The following ROBO2 variants were observed in gnomAD, a reference collection of about 807,000 sequenced individuals.
ROBO2 encodes roundabout guidance receptor 2, also known as roundabout homolog 2.
Under a neutral mutation model 160.8 loss-of-function variants are expected in ROBO2, and 53 were observed. The ratio of observed to expected loss-of-function variants is 0.33; its 90% confidence interval spans 0.26 to 0.41. The LOEUF (loss-of-function observed/expected upper bound fraction) is 0.41. ROBO2 is among the 10% of genes least tolerant of loss of function. ROBO2 has a pLI of 1.00. For missense variants in ROBO2, 1,577 were observed against 1,722.4 expected (o/e 0.92, Z 1.49); for synonymous variants, 664 against 611.7 (o/e 1.09, Z -1.26).
chr3:76,703,528 G>C (rs773329083), intron 2 of ROBO2, among the ~76,000 whole-genome samples: 1 of 151,104 alleles, frequency 6.6e-6, no homozygotes, highest in Non-Finnish European at 1.5e-5. Flanking sequence ...CCCCACCCCC[G>C]ACAGGCTCCA....
intron 2 of ROBO2, among the ~76,000 whole-genome samples, chr3:76,419,774 C>T (rs1462366151): frequency 6.6e-6 from 1 of 151,952 alleles, no homozygotes; most frequent in Non-Finnish European, 1.5e-5. Flanking sequence ...GTAGCTGAAT[C>T]CTGGCAAATT....
At chr3:76,279,194 A>G (rs1394487515) in intron 2 of ROBO2, among the ~76,000 whole-genome samples, 1 of 151,502 alleles carries the variant, frequency 6.6e-6, no homozygotes, top group Non-Finnish European at 1.5e-5. Context: ...GACCATTGCA[A>G]GCTCACTTTT....
chr3:77,011,085 CTT>C (rs761956103), intron 2 of ROBO2, among the ~76,000 whole-genome samples: 17 of 73,218 alleles, frequency 2.3e-4, no homozygotes, highest in East Asian at 6.4e-4. Context: ...TTCTTTCTTT[CTT>C]TTTCTTTCTA....
At chr3:77,583,292 T>C (rs1166674250) in intron 16 of ROBO2, among the ~76,000 whole-genome samples, 2 of 152,076 alleles carry the variant, frequency 1.3e-5, no homozygotes, top group Non-Finnish European at 2.9e-5. Flanking sequence ...AAGTTATCTG[T>C]AGGTACAAAG....
chr3:76,220,514 G>A (rs545316613), intron 2 of ROBO2, among the ~76,000 whole-genome samples: 1 of 152,148 alleles, frequency 6.6e-6, no homozygotes, highest in South Asian at 2.1e-4. Flanking sequence ...GCCTTGTGAC[G>A]ATGCAGCAAG....
chr3:77,200,265 TTTTATATATATATATATATATATATA>T (rs1166456474), intron 2 of ROBO2, among the ~76,000 whole-genome samples: 16 of 59,058 alleles, frequency 2.7e-4, no homozygotes, highest in Non-Finnish European at 4.8e-4. Flanking sequence ...AACTAACATA[TTTTATATATATATATATATATATATA>T]TATATATATA....
chr3:76,155,126 TAATACATTAAAAATA>T (rs2072356059), intron 2 of ROBO2, among the ~76,000 whole-genome samples: 2 of 152,170 alleles, frequency 1.3e-5, no homozygotes, highest in South Asian at 4.1e-4. Flanking sequence ...AGATCACAGG[TAATACATTAAAAATA>T]AATGTCAAAA....
At chr3:76,097,351 G>C (rs780229051) in intron 2 of ROBO2, among the ~76,000 whole-genome samples, 1 of 152,114 alleles carries the variant, frequency 6.6e-6, no homozygotes, top group South Asian at 2.1e-4. Context: ...TACATGGTCC[G>C]TTCTTGGGAC....
intron 2 of ROBO2, among the ~76,000 whole-genome samples, chr3:76,541,115 T>C (rs1243381895): frequency 6.6e-6 from 1 of 152,234 alleles, no homozygotes; most frequent in Admixed American, 6.5e-5. Context: ...GACTTTTCAT[T>C]TAGTTTAAAT....
intron 2 of ROBO2, among the ~76,000 whole-genome samples, chr3:76,624,780 G>A (rs1294967240): frequency 9.2e-6 from 1 of 108,568 alleles, no homozygotes; most frequent in Non-Finnish European, 1.7e-5. Context: ...CTGAGTGACA[G>A]AGTGAGACTC....
chr3:76,287,126 A>G (rs1708541342), intron 2 of ROBO2, among the ~76,000 whole-genome samples: 1 of 152,100 alleles, frequency 6.6e-6, no homozygotes, highest in African/African-American at 2.4e-5. Flanking sequence ...CAACTAATCT[A>G]TCCTGACTGA....
chr3:76,236,642 C>T (rs1704963326), intron 2 of ROBO2, among the ~76,000 whole-genome samples: 1 of 152,168 alleles, frequency 6.6e-6, no homozygotes, highest in Non-Finnish European at 1.5e-5. Flanking sequence ...CAAGATACTG[C>T]AGTTTTTATT....
intron 2 of ROBO2, among the ~76,000 whole-genome samples, chr3:77,461,746 T>TG (rs397990232): frequency 1.2e-3 from 175 of 151,734 alleles, no homozygotes; most frequent in Middle Eastern, 3.4e-3. Flanking sequence ...TTTTTTTTTT[T>TG]GAGACAGAGT....
chr3:77,246,648 T>C (rs2089766954), intron 2 of ROBO2, among the ~76,000 whole-genome samples: 1 of 152,204 alleles, frequency 6.6e-6, no homozygotes, highest in Non-Finnish European at 1.5e-5. Flanking sequence ...TCAACTGCAT[T>C]TTGAAGTGTC....
At chr3:77,523,936 C>T (rs1026422104) in intron 6 of ROBO2, among the ~76,000 whole-genome samples, 68 of 151,326 alleles carry the variant, frequency 4.5e-4, no homozygotes, top group Middle Eastern at 3.4e-3. Context: ...GAAAAAGGTT[C>T]GGAGAAGTTT....
At chr3:77,083,073 G>T (rs535591782) in intron 1 of ROBO2, among the ~76,000 whole-genome samples, 1 of 152,164 alleles carries the variant, frequency 6.6e-6, no homozygotes, top group Non-Finnish European at 1.5e-5. Flanking sequence ...AGAGAACTCT[G>T]CATCTCATTT....
chr3:76,273,240 A>T (rs1366334455), intron 2 of ROBO2, among the ~76,000 whole-genome samples: 1 of 148,352 alleles, frequency 6.7e-6, no homozygotes, highest in African/African-American at 2.5e-5. Context: ...AGTGAGACTC[A>T]TTCAATACAG....
chr3:76,021,905 C>A (rs137903246), intron 2 of ROBO2, among the ~76,000 whole-genome samples: 2 of 149,104 alleles, frequency 1.3e-5, no homozygotes, highest in African/African-American at 2.5e-5. Flanking sequence ...CTTTTCCTTT[C>A]GTGAAAGATT....
At chr3:76,878,485 A>C (rs2073004340) in intron 2 of ROBO2, among the ~76,000 whole-genome samples, 1 of 152,218 alleles carries the variant, frequency 6.6e-6, no homozygotes, top group Non-Finnish European at 1.5e-5. Context: ...CCACATAAAT[A>C]AGTATAAAAT....
Sources: allele counts gnomAD v4.1 joint callset (sites outside exome capture counted in the v4.1 genomes callset), GRCh38; gene constraint gnomAD v4.1.1; transcripts MANE v1.5; gene names NCBI Gene and HGNC (gene_info 2026-07-23, HGNC 2026-07-21).